ZFAND3: variants seen among roughly 807,000 people sequenced by gnomAD.
ZFAND3 encodes zinc finger AN1-type containing 3, also known as AN1-type zinc finger protein 3.
ZFAND3 carries 10 observed loss-of-function variants against 29.6 expected under a neutral mutation model. That is an observed-to-expected ratio of 0.34 (90% CI 0.21 to 0.57). The LOEUF is 0.57. Ranked by LOEUF, ZFAND3 falls within the 20% of genes least tolerant of loss-of-function variation. ZFAND3 has a pLI of 0.86. For synonymous variants in ZFAND3, 128 were observed against 112.6 expected, an observed-to-expected ratio of 1.14 and a Z score of -0.87; for missense variants, 230 against 304.5, an observed-to-expected ratio of 0.76 and a Z score of 1.82.
At chr6:37,933,718 G>A (rs1410620661) in intron 2 of ZFAND3, among the ~76,000 whole-genome samples, 1 of 152,112 alleles carries the variant, frequency 6.6e-6, no homozygotes, top group Non-Finnish European at 1.5e-5. Flanking sequence ...AAGACTCGAA[G>A]CTCAACCAAA....
chr6:38,006,803 C>T (rs1763058524), intron 2 of ZFAND3, among the ~76,000 whole-genome samples: 3 of 151,946 alleles, frequency 2.0e-5, no homozygotes, highest in Admixed American at 2.0e-4. Flanking sequence ...ATATTGCACC[C>T]CTGCCCCTCT....
At chr6:38,094,619 T>A (rs1764941074) in intron 4 of ZFAND3, among the ~76,000 whole-genome samples, 1 of 152,202 alleles carries the variant, frequency 6.6e-6, no homozygotes, top group South Asian at 2.1e-4. Context: ...CTTATACTAT[T>A]CCTCATCCCA....
chr6:37,889,956 A>G (rs1476082793), intron 1 of ZFAND3, among the ~76,000 whole-genome samples: 1 of 152,222 alleles, frequency 6.6e-6, no homozygotes. Context: ...GACGTGTTCC[A>G]TCCATCTTCA....
At chr6:37,873,385 G>A (rs1021212893) in intron 1 of ZFAND3, among the ~76,000 whole-genome samples, 1 of 152,218 alleles carries the variant, frequency 6.6e-6, no homozygotes, top group African/African-American at 2.4e-5. Flanking sequence ...ATAATAGAAG[G>A]TAAACACAGC....
At chr6:37,828,294 G>T (rs2127366449) in intron 1 of ZFAND3, among the ~76,000 whole-genome samples, 1 of 152,338 alleles carries the variant, frequency 6.6e-6, no homozygotes, top group South Asian at 2.1e-4. Context: ...CTAACTGGAA[G>T]AGTGGAGGCA....
intron 5 of ZFAND3, among the ~76,000 whole-genome samples, chr6:38,144,175 TATATATATA>T (rs1196004518): frequency 0.017 from 647 of 37,772 alleles, 27 homozygotes; most frequent in African/African-American, 0.083. Flanking sequence ...AAATGTGATA[TATATATATA>T]ATATATATAT....
At chr6:38,020,745 A>G (rs1375071691) in intron 2 of ZFAND3, among the ~76,000 whole-genome samples, 1 of 152,202 alleles carries the variant, frequency 6.6e-6, no homozygotes, top group African/African-American at 2.4e-5. Context: ...ATTTTCTGCC[A>G]GAATCACTTC....
chr6:38,089,916 C>T (rs975443988), intron 4 of ZFAND3, among the ~76,000 whole-genome samples: 2 of 152,128 alleles, frequency 1.3e-5, no homozygotes, highest in African/African-American at 2.4e-5. Context: ...TGCAATGGTG[C>T]GATCTCAGCT....
chr6:37,933,548 A>G (rs1761636705), intron 2 of ZFAND3, among the ~76,000 whole-genome samples: 2 of 152,240 alleles, frequency 1.3e-5, no homozygotes, highest in Non-Finnish European at 2.9e-5. Context: ...AAATGAGTAT[A>G]TGCAGAGTGA....
intron 4 of ZFAND3, among the ~76,000 whole-genome samples, chr6:38,085,171 T>G (rs759958372): frequency 9.9e-5 from 15 of 152,236 alleles, no homozygotes; most frequent in Non-Finnish European, 2.2e-4. Flanking sequence ...TCTAGGCTCT[T>G]CAAGTTAGGA....
chr6:37,837,607 C>T lies in ZFAND3; in HGVS notation c.71+17591C>T, dbSNP rs563343932. Reference sequence around the variant, plus strand: ...GCAACCTCTGCCTCCCAGGTTGAAGCGATTCTCCTGCGTCAGCCTCCCGAG... The same window carrying T: ...GCAACCTCTGCCTCCCAGGTTGAAGTGATTCTCCTGCGTCAGCCTCCCGAG... On this transcript the variant is annotated intron_variant, in intron 1 of 5. Transcript: ENST00000287218. Among the ~76,000 whole-genome samples the T allele has an allele frequency of 7.3e-5, 11 of 151,618 alleles. No homozygotes were observed. In the South Asian group the frequency reaches 1.5e-3, roughly 20 times the overall value.
rs1241215124 is a variant in ZFAND3, at chr6:38,153,600, A to G, written c.*1211A>G. On this transcript the variant is annotated 3_prime_UTR_variant, in exon 6 of 6. Coordinates refer to ENST00000287218, the MANE Select transcript of ZFAND3 (RefSeq NM_021943.3). ...CTCTGGTAGGTGAGGGCCTGAGGGT[A>G]CATTTCTCCACCTGTGCCCCCTCAT... is the stretch of plus-strand genomic sequence containing the variant. 1 of 985,286 alleles carries G rather than the reference A, an allele frequency of 1.0e-6. No individual in the cohort carries two copies. The highest frequency in any genetic ancestry group is 1.7e-5 in the African/African-American group (1 of 57,186). 61.0% of individuals were successfully genotyped at this position (985,286 alleles called of 1,614,324 possible).
intron 1 of ZFAND3, 121 bp downstream of exon 1, chr6:37,820,137 T>A: frequency 3.2e-6 from 1 of 311,706 alleles, no homozygotes; most frequent in Non-Finnish European, 4.3e-6. Context: ...AGCCCGGGCC[T>A]ACGGGGAGGG....
intron 1 of ZFAND3, among the ~76,000 whole-genome samples, chr6:37,887,442 G>A (rs1765015602): frequency 6.6e-6 from 1 of 152,076 alleles, no homozygotes; most frequent in African/African-American, 2.4e-5. Flanking sequence ...AACAAGTTAG[G>A]TAACCTTAAT....
intron 1 of ZFAND3, among the ~76,000 whole-genome samples, chr6:37,858,582 G>C (rs912142656): frequency 1.3e-5 from 2 of 152,112 alleles, no homozygotes; most frequent in African/African-American, 4.8e-5. Flanking sequence ...ACAAAAGACT[G>C]TTTCCACCTA....
rs1762253276 is a variant in ZFAND3, at chr6:37,964,286, A to G, written c.112+34287A>G. Among the ~76,000 whole-genome samples the G allele has an allele frequency of 2.0e-5, 3 of 152,300 alleles. No individual in the cohort carries two copies. In the South Asian group the frequency reaches 6.2e-4, roughly 32 times the overall value. ...TTCTGTATCACATGACTACCCTACC[A>G]TGCTACAGGACCAGAAGGGATGCTT... On this transcript the variant is annotated intron_variant, in intron 2 of 5. Transcript: ENST00000287218.
chr6:38,016,074 A>T (rs115464966), intron 2 of ZFAND3, among the ~76,000 whole-genome samples: 2 of 151,640 alleles, frequency 1.3e-5, no homozygotes, highest in South Asian at 4.2e-4. Flanking sequence ...TGTGTCTTGC[A>T]GATGAGACCT....
intron 1 of ZFAND3, among the ~76,000 whole-genome samples, chr6:37,864,527 C>G (rs1333217911): frequency 1.3e-5 from 2 of 151,968 alleles, no homozygotes; most frequent in Non-Finnish European, 2.9e-5. Context: ...CAGTAGTAAC[C>G]ATAATTCTAA....
intron 2 of ZFAND3, among the ~76,000 whole-genome samples, chr6:38,044,287 C>T (rs1004745741): frequency 1.3e-5 from 2 of 152,090 alleles, no homozygotes; most frequent in Admixed American, 1.3e-4. Flanking sequence ...TTATTTCTGG[C>T]CATGACTAGT....
Sources: gnomAD v4.1 joint callset for allele counts (sites outside exome capture counted in the v4.1 genomes callset) on GRCh38, gnomAD v4.1.1 for gene constraint, MANE v1.5 for transcripts, NCBI Gene and HGNC (gene_info 2026-07-23, HGNC 2026-07-21) for gene names.